The following CSNK2A2IP variants were observed in gnomAD, a reference collection of about 807,000 sequenced individuals.
The protein encoded by CSNK2A2IP is casein kinase II subunit alpha'-interacting protein.
At chr3:88,390,115 C>G in the CSNK2A2IP span, among the ~76,000 whole-genome samples, 2 of 152,006 alleles carry the variant, frequency 1.3e-5, no homozygotes, top group African/African-American at 4.8e-5. Context: ...GCTTGAAAAG[C>G]TTCTTGGGGA....
the CSNK2A2IP span, among the ~76,000 whole-genome samples, chr3:88,373,627 G>T: frequency 2.7e-5 from 4 of 146,284 alleles, no homozygotes; most frequent in Non-Finnish European, 6.0e-5. Flanking sequence ...AGGAAATAAT[G>T]AAGTTAAGAG....
At chr3:88,445,662 G>T in the CSNK2A2IP span, among the ~76,000 whole-genome samples, 1 of 151,842 alleles carries the variant, frequency 6.6e-6, no homozygotes, top group Non-Finnish European at 1.5e-5. Flanking sequence ...GGGGTCAATT[G>T]ATCCTCCTGT....
the CSNK2A2IP span, among the ~76,000 whole-genome samples, chr3:88,427,610 C>G: frequency 6.6e-6 from 1 of 152,044 alleles, no homozygotes; most frequent in Non-Finnish European, 1.5e-5. Context: ...CCTCTGTGTC[C>G]CAGTGGTGGC....
the CSNK2A2IP span, among the ~76,000 whole-genome samples, chr3:88,381,933 A>G: frequency 6.6e-6 from 1 of 152,176 alleles, no homozygotes; most frequent in Non-Finnish European, 1.5e-5. Context: ...ATACATCAAT[A>G]AACTGTTTTT....
chr3:88,362,992 T>C, the CSNK2A2IP span, among the ~76,000 whole-genome samples: 3 of 152,178 alleles, frequency 2.0e-5, no homozygotes, highest in Non-Finnish European at 4.4e-5. Flanking sequence ...ATGCTCCCTC[T>C]GTGGGCATCA....
the CSNK2A2IP span, among the ~76,000 whole-genome samples, chr3:88,437,603 C>A: frequency 1.3e-5 from 2 of 152,072 alleles, no homozygotes; most frequent in African/African-American, 4.8e-5. Flanking sequence ...TACAAATTAG[C>A]AACTTTTTTT....
the CSNK2A2IP span, among the ~76,000 whole-genome samples, chr3:88,455,753 A>G: frequency 6.6e-6 from 1 of 151,934 alleles, no homozygotes; most frequent in East Asian, 1.9e-4. Context: ...TGCCTTTGGC[A>G]TCATATAAAA....
At chr3:88,346,792 A>C in the CSNK2A2IP span, among the ~76,000 whole-genome samples, 5 of 151,346 alleles carry the variant, frequency 3.3e-5, no homozygotes, top group Non-Finnish European at 5.9e-5. Context: ...CTGCTTACAC[A>C]ACATCCATTC....
the CSNK2A2IP span, among the ~76,000 whole-genome samples, chr3:88,400,984 A>C: frequency 3.3e-4 from 50 of 152,328 alleles, no homozygotes; most frequent in African/African-American, 1.2e-3. Context: ...GTGTAGAAGA[A>C]TAACAGAAGA....
chr3:88,392,089 A>G, the CSNK2A2IP span, among the ~76,000 whole-genome samples: 1 of 152,172 alleles, frequency 6.6e-6, no homozygotes, highest in Non-Finnish European at 1.5e-5. Flanking sequence ...AGGAGTGAAA[A>G]CCAGGGAATA....
the CSNK2A2IP span, among the ~76,000 whole-genome samples, chr3:88,374,893 TA>T: frequency 6.6e-5 from 10 of 151,764 alleles, no homozygotes; most frequent in African/African-American, 2.4e-4. Flanking sequence ...TGACGACTGG[TA>T]TCAGGGTAGG....
At chr3:88,367,231 G>A in the CSNK2A2IP span, among the ~76,000 whole-genome samples, 6 of 152,176 alleles carry the variant, frequency 3.9e-5, no homozygotes, top group South Asian at 2.1e-4. Flanking sequence ...AATAGAAAAC[G>A]AAATAAAAGT....
the CSNK2A2IP span, among the ~76,000 whole-genome samples, chr3:88,383,967 C>T: frequency 6.6e-6 from 1 of 152,036 alleles, no homozygotes; most frequent in African/African-American, 2.4e-5. Flanking sequence ...CGGGCTTCTT[C>T]TTATTCTTTA....
the CSNK2A2IP span, among the ~76,000 whole-genome samples, chr3:88,458,134 A>G: frequency 7.4e-6 from 1 of 134,828 alleles, no homozygotes; most frequent in Non-Finnish European, 1.6e-5. Flanking sequence ...TGATATTTGT[A>G]ATTGTGGTTT....
the CSNK2A2IP span, among the ~76,000 whole-genome samples, chr3:88,447,830 T>G: frequency 6.6e-6 from 1 of 152,144 alleles, no homozygotes; most frequent in Admixed American, 6.6e-5. Flanking sequence ...GGTTAGCTAT[T>G]TCTATGTTTC....
the CSNK2A2IP span, among the ~76,000 whole-genome samples, chr3:88,421,608 G>A: frequency 6.6e-6 from 1 of 152,000 alleles, no homozygotes; most frequent in Non-Finnish European, 1.5e-5. Flanking sequence ...GTGGAGATGG[G>A]GTTTTACTAT....
chr3:88,353,357 G>A, the CSNK2A2IP span, among the ~76,000 whole-genome samples: 1 of 152,136 alleles, frequency 6.6e-6, no homozygotes, highest in East Asian at 1.9e-4. Flanking sequence ...CTCATTTTCT[G>A]TTTATAAGTG....
At chr3:88,416,160 A>G in the CSNK2A2IP span, among the ~76,000 whole-genome samples, 6 of 151,402 alleles carry the variant, frequency 4.0e-5, no homozygotes, top group East Asian at 1.9e-4. Flanking sequence ...AGTCCTAGCT[A>G]CTCAGGAGGC....
the CSNK2A2IP span, among the ~76,000 whole-genome samples, chr3:88,379,390 G>A: frequency 6.6e-6 from 1 of 152,106 alleles, no homozygotes; most frequent in Admixed American, 6.6e-5. Context: ...GTGCAGAAGA[G>A]AAGATTAAGA....
Sources: allele counts gnomAD v4.1 joint callset (sites outside exome capture counted in the v4.1 genomes callset), GRCh38; gene constraint gnomAD v4.1.1; transcripts MANE v1.5; gene names NCBI Gene and HGNC (gene_info 2026-07-23, HGNC 2026-07-21).